The following SEC23IP variants were observed in gnomAD, a reference collection of about 807,000 sequenced individuals.
The protein encoded by SEC23IP is SEC23 interacting protein, also known as SEC23-interacting protein.
SEC23IP carries 70 observed loss-of-function variants against 113.4 expected under a neutral mutation model. That is an observed-to-expected ratio of 0.62 (90% CI 0.51 to 0.75). SEC23IP has a LOEUF of 0.75. Ranked by LOEUF, SEC23IP falls within the 30% of genes least tolerant of loss-of-function variation. The probability of loss-of-function intolerance (pLI) is 0.00; values close to 1 mark genes in which losing one functional copy is unlikely to be tolerated. For synonymous variants in SEC23IP, 398 were observed against 421.0 expected (o/e 0.95, Z 0.67); for missense variants, 1,160 against 1,204.9 (o/e 0.96, Z 0.55).
At chr10:119,916,498 G>A (rs74391500) in intron 8 of SEC23IP, among the ~76,000 whole-genome samples, 31 of 152,278 alleles carry the variant, frequency 2.0e-4, no homozygotes, top group African/African-American at 6.7e-4. Context: ...AGTGAACACC[G>A]TAATGTTTCA....
chr10:119,910,714 C>T (rs1303971431), intron 5 of SEC23IP, among the ~76,000 whole-genome samples: 1 of 152,116 alleles, frequency 6.6e-6, no homozygotes, highest in African/African-American at 2.4e-5. Flanking sequence ...AATAAGGTCT[C>T]ACTCCCTTAC....
At chr10:119,901,190 G>A (rs1040354574) in intron 2 of SEC23IP, among the ~76,000 whole-genome samples, 12 of 151,502 alleles carry the variant, frequency 7.9e-5, no homozygotes, top group Admixed American at 4.6e-4. Flanking sequence ...AGATTTTTTT[G>A]TAGAAACGGT....
intron 18 of SEC23IP, among the ~76,000 whole-genome samples, chr10:119,939,775 A>G (rs1002671527): frequency 6.6e-6 from 1 of 152,184 alleles, no homozygotes; most frequent in African/African-American, 2.4e-5. Context: ...GGCTCACTGC[A>G]ACCTCTGACT....
intron 10 of SEC23IP, among the ~76,000 whole-genome samples, chr10:119,919,003 T>TG (rs1855146927): frequency 6.6e-6 from 1 of 151,698 alleles, no homozygotes; most frequent in African/African-American, 2.4e-5. Context: ...CAATTTTTTT[T>TG]TTTTTTTGAG....
chr10:119,912,277 A>G (rs1367265326), intron 6 of SEC23IP, 113 bp downstream of exon 6: 2 of 1,090,136 alleles, frequency 1.8e-6, no homozygotes, highest in African/African-American at 1.6e-5. Flanking sequence ...CACAGCAGCC[A>G]TTGCACCACC....
intron 18 of SEC23IP, among the ~76,000 whole-genome samples, chr10:119,937,205 A>C (rs1355505627): frequency 1.3e-5 from 2 of 152,114 alleles, no homozygotes; most frequent in Admixed American, 1.3e-4. Flanking sequence ...GGATTTATAA[A>C]TATGATACTT....
intron 1 of SEC23IP, among the ~76,000 whole-genome samples, chr10:119,894,154 A>G (rs1047288644): frequency 1.3e-5 from 2 of 152,210 alleles, no homozygotes; most frequent in Non-Finnish European, 2.9e-5. Flanking sequence ...CGTGCCAGAC[A>G]GTGTGATTTA....
rs1246351572 is a variant in SEC23IP at position 119,914,093 on chromosome 10, G to A, written c.1313-637G>A. Among the ~76,000 whole-genome samples, 4 of 152,172 alleles carry A rather than the reference G, an allele frequency of 2.6e-5. No individual in the cohort carries two copies. The East Asian group carries it at 7.8e-4, about 30-fold the overall frequency. On this transcript the variant is annotated intron_variant, in intron 6 of 18. Transcript: ENST00000369075. ...GAGAATTGCTTGAACCCGGGAGGCGGAGGTTGCAGTGAGCCGAGATGGCGC... is the reference window on the plus strand; with the variant it reads ...GAGAATTGCTTGAACCCGGGAGGCGAAGGTTGCAGTGAGCCGAGATGGCGC...
rs140367380 is a variant in SEC23IP, at chr10:119,931,981, G to A, written c.2573-152G>A. 2.0e-3 allele frequency: 1,022 copies of A among 500,838 alleles called. 1 individual carries two copies. Among genetic ancestry groups the A allele is most frequent in the Non-Finnish European group, 3.1e-3 (855 of 277,644 alleles). 31.0% of individuals were successfully genotyped at this position (500,838 alleles called of 1,614,324 possible). On this transcript the variant is annotated intron_variant, in intron 15 of 18. Coordinates refer to ENST00000369075, the MANE Select transcript of SEC23IP (RefSeq NM_007190.4). Reference sequence around the variant, plus strand: ...TATCCATGACATTTTAACATGCTGAGGGTTCTTGGCTGAGGCACTCCGTAT... The same window carrying A: ...TATCCATGACATTTTAACATGCTGAAGGTTCTTGGCTGAGGCACTCCGTAT...
chr10:119,893,807 C>G (rs918760514), intron 1 of SEC23IP, among the ~76,000 whole-genome samples: 2 of 152,010 alleles, frequency 1.3e-5, no homozygotes, highest in African/African-American at 4.8e-5. Context: ...GGTTTAACCC[C>G]CCACCCATTC....
intron 13 of SEC23IP, among the ~76,000 whole-genome samples, chr10:119,926,851 A>T (rs1416454545): frequency 1.3e-5 from 2 of 152,228 alleles, no homozygotes; most frequent in Non-Finnish European, 2.9e-5. Context: ...ATATATTCTT[A>T]TGTAAGTAAA....
At chr10:119,938,229 G>A (rs368845852) in intron 18 of SEC23IP, among the ~76,000 whole-genome samples, 7 of 152,234 alleles carry the variant, frequency 4.6e-5, no homozygotes, top group African/African-American at 1.7e-4. Flanking sequence ...TGGGGGAGGG[G>A]CTTTACCAAC....
At chr10:119,918,365 T>A (rs773284183) in intron 9 of SEC23IP, 28 bp from the exon 10 acceptor site, 1 of 1,386,144 alleles carries the variant, frequency 7.2e-7, no homozygotes, top group Non-Finnish European at 1.0e-6. Flanking sequence ...CCTACTACAT[T>A]ATAAGGCAAA....
chr10:119,929,885 G>T (rs1855538972), intron 14 of SEC23IP, 123 bp downstream of exon 14: 1 of 631,110 alleles, frequency 1.6e-6, no homozygotes, highest in Admixed American at 3.1e-5. Context: ...CTGGCCTCAA[G>T]TGATCCTTCC....
In SEC23IP at chr10:119,926,099, G is replaced by A. The variant is rs1160550512; in HGVS notation, c.2185G>A (p.Ala729Thr). The stretch of plus-strand genomic sequence containing the variant: ...TTCTACAAAAGGACAAGAGCAAAGT[G>A]CCCAGAAGACTAAAGACATGGCTTC... ...ATSTKGQEQS[A>T]QKTKDMASLP... Residue 729 changes from alanine to threonine, a missense_variant, in exon 13 of 19, where the codon GCC (alanine) becomes ACC (threonine). Transcript: ENST00000369075. 2 of 1,614,078 alleles carry A rather than the reference G, an allele frequency of 1.2e-6. No homozygotes were observed. The highest frequency in any genetic ancestry group is 2.2e-5 in the East Asian group (1 of 44,868).
rs1163348594 is a variant in SEC23IP at position 119,898,515 on chromosome 10, T to A, written c.252T>A (p.Ser84=). 2 of 1,614,126 alleles carry A rather than the reference T, an allele frequency of 1.2e-6. No individual in the cohort carries two copies. Among genetic ancestry groups the A allele is most frequent in the Admixed American group, 1.7e-5 (1 of 60,014 alleles). The change falls in exon 2 of 19, where the codon TCT becomes TCA. Residue 84 remains serine (S), a synonymous_variant. Coordinates refer to ENST00000369075, the MANE Select transcript of SEC23IP (RefSeq NM_007190.4). ...TSAPQTFSYF[S]QVSSSSDPFG... is the part of the protein sequence containing the mutation. Reference sequence around the variant, plus strand: ...CCCCACAGACATTTAGTTACTTCTCTCAGGTATCAAGCAGCAGTGATCCTT... The same window carrying A: ...CCCCACAGACATTTAGTTACTTCTCACAGGTATCAAGCAGCAGTGATCCTT...
In SEC23IP at chr10:119,926,045, G is replaced by A. The variant is rs767184449; in HGVS notation, c.2131G>A (p.Ala711Thr). The A allele has an allele frequency of 2.5e-6, 4 of 1,609,622 alleles. No individual in the cohort carries two copies. The highest frequency in any genetic ancestry group is 3.4e-6 in the Non-Finnish European group (4 of 1,178,452). Residue 711 changes from alanine (A) to threonine (T), a missense_variant, in exon 13 of 19, where the codon GCG becomes ACG. Transcript: ENST00000369075. ...EHKAAKLKKA[A>T]SEKKAVAATS... ...TTTTGGTATTTTACAGAAAAAAGCAGCGTCAGAAAAGAAGGCAGTGGCGGC... is the reference window on the plus strand; with the variant it reads ...TTTTGGTATTTTACAGAAAAAAGCAACGTCAGAAAAGAAGGCAGTGGCGGC...
Position 119,902,974 on chromosome 10 carries a change from T to G in SEC23IP, c.872T>G (p.Phe291Cys). 1 of 1,614,216 alleles carries G rather than the reference T, an allele frequency of 6.2e-7. No homozygotes were observed. Among genetic ancestry groups the G allele is most frequent in the Non-Finnish European group, 8.5e-7 (1 of 1,180,018 alleles). Reference sequence around the variant, plus strand: ...CAACTGTGGATGCCTTTTAGTGTGTTCGACTCTTTGAATCTTGAAGAAATC... The same window carrying G: ...CAACTGTGGATGCCTTTTAGTGTGTGCGACTCTTTGAATCTTGAAGAAATC... ...YKQLWMPFSV[F>C]DSLNLEEIYN... Residue 291 changes from phenylalanine to cysteine, a missense_variant, in exon 3 of 19, where the codon TTC (phenylalanine) becomes TGC (cysteine). Physicochemically the swap from Phe to Cys is radical, Grantham distance 205 (BLOSUM62 -2). Coordinates refer to ENST00000369075, the MANE Select transcript of SEC23IP (RefSeq NM_007190.4).
intron 10 of SEC23IP, among the ~76,000 whole-genome samples, chr10:119,919,063 G>A (rs1028879595): frequency 2.7e-5 from 4 of 146,938 alleles, no homozygotes; most frequent in Admixed American, 1.4e-4. Flanking sequence ...GTGTGATCTC[G>A]GCTCACTGCA....
Sources: allele counts gnomAD v4.1 joint callset (sites outside exome capture counted in the v4.1 genomes callset), GRCh38; gene constraint gnomAD v4.1.1; transcripts MANE v1.5; gene names NCBI Gene and HGNC (gene_info 2026-07-23, HGNC 2026-07-21).